NTN1: variants seen among roughly 807,000 people sequenced by gnomAD.
NTN1 encodes netrin 1.
A neutral mutation model predicts 54.2 loss-of-function variants in NTN1; 11 were observed. The observed-to-expected ratio is 0.20, with a 90% confidence interval of 0.13 to 0.34. NTN1 has a LOEUF of 0.34. Ranked by LOEUF, NTN1 falls within the 10% of genes least tolerant of loss-of-function variation. NTN1 has a pLI of 1.00. For missense variants in NTN1, 740 were observed against 893.1 expected (o/e 0.83, Z 2.18); for synonymous variants, 371 against 382.0 (o/e 0.97, Z 0.33).
At chr17:9,095,703 C>T (rs1248418303) in intron 2 of NTN1, among the ~76,000 whole-genome samples, 3 of 152,186 alleles carry the variant, frequency 2.0e-5, no homozygotes, top group African/African-American at 7.2e-5. Context: ...CTGATTTGAT[C>T]AACTTAAAAA....
intron 2 of NTN1, among the ~76,000 whole-genome samples, chr17:9,120,571 T>C (rs1040751711): frequency 2.0e-5 from 3 of 152,188 alleles, no homozygotes; most frequent in African/African-American, 7.2e-5. Flanking sequence ...TTCCCCCAAG[T>C]CCCTATGGTG....
At chr17:9,013,526 T>G in the NTN1 span, among the ~76,000 whole-genome samples, 3 of 152,206 alleles carry the variant, frequency 2.0e-5, no homozygotes, top group South Asian at 6.2e-4. Flanking sequence ...AGTAATATTT[T>G]TCTATCATCT....
intron 2 of NTN1, among the ~76,000 whole-genome samples, chr17:9,147,017 C>G (rs1323274130): frequency 6.6e-6 from 1 of 152,158 alleles, no homozygotes; most frequent in Non-Finnish European, 1.5e-5. Context: ...AAGGCCTGTT[C>G]AGAGGATGTT....
chr17:9,153,223 G>C (rs4791801), intron 2 of NTN1, among the ~76,000 whole-genome samples: 78,677 of 151,746 alleles, frequency 0.52, 20,710 homozygotes, highest in African/African-American at 0.59. Context: ...TAGGTGGGCA[G>C]ATCACCTAAG....
rs376865375 is a variant in NTN1, at chr17:9,239,342, G to A, written c.1487-298G>A. Among the ~76,000 whole-genome samples, 22 of 152,310 alleles carry A rather than the reference G, an allele frequency of 1.4e-4. No individual in the cohort carries two copies. Among genetic ancestry groups the A allele is most frequent in the Non-Finnish European group, 2.5e-4 (17 of 68,024 alleles). ...ACAGCTTGCCCAGAGTGCTGGGGGC[G>A]TGGTCAGCACCTGTAGGCTTCCTGG... On this transcript the variant is annotated intron_variant, in intron 6 of 6. Coordinates refer to ENST00000173229, the MANE Select transcript of NTN1 (RefSeq NM_004822.3). The surrounding 1 kb of genome is among the most constrained non-coding windows in gnomAD (Gnocchi z 5.2).
intron 2 of NTN1, among the ~76,000 whole-genome samples, chr17:9,087,765 C>T (rs922611366): frequency 1.3e-4 from 20 of 152,238 alleles, no homozygotes; most frequent in Non-Finnish European, 2.5e-4. Context: ...GGGCCTGTGC[C>T]GATTTGCCCA....
intron 2 of NTN1, among the ~76,000 whole-genome samples, chr17:9,039,757 G>C (rs1431474228): frequency 6.6e-6 from 1 of 152,062 alleles, no homozygotes; most frequent in Non-Finnish European, 1.5e-5. Context: ...GTGTGGTCTG[G>C]TTTCTTTCAC....
At position 9,212,386 on chromosome 17, in the gene NTN1, C is replaced by T. The variant is rs775255893; in HGVS notation, c.1412-8782C>T. The stretch of plus-strand genomic sequence containing the variant: ...CCCTTATGAAACCCACGGATGCCTG[C>T]GGCACCTTGAAAACCGAACACATGG... On this transcript the variant is annotated intron_variant, in intron 5 of 6. Transcript: ENST00000173229. The surrounding 1 kb of genome is among the most constrained non-coding windows in gnomAD (Gnocchi z 5.5). Among the ~76,000 whole-genome samples the T allele has an allele frequency of 6.6e-6, 1 of 152,192 alleles. No individual in the cohort carries two copies. The highest frequency in any genetic ancestry group is 1.5e-5 in the Non-Finnish European group (1 of 68,034).
chr17:9,146,164 C>G (rs2092312756), intron 2 of NTN1, among the ~76,000 whole-genome samples: 2 of 152,150 alleles, frequency 1.3e-5, no homozygotes, highest in African/African-American at 2.4e-5. Context: ...TGGACAGAGA[C>G]AGGAGGCAAA....
In NTN1 at chr17:9,192,338, C is replaced by T. The variant is rs149862533; in HGVS notation, c.1411+9369C>T. ...CCATATAATGATGTGGGGAGAATAT[C>T]TAAATGGAAAGATAAAATATAGTGC... On this transcript the variant is annotated intron_variant, in intron 5 of 6. Transcript: ENST00000173229. Among the ~76,000 whole-genome samples the T allele has an allele frequency of 6.7e-4, 102 of 152,256 alleles. 1 individual carries two copies. Among genetic ancestry groups the T allele is most frequent in the African/African-American group, 2.4e-3 (101 of 41,542 alleles).
At chr17:9,111,947 A>G (rs566594172) in intron 2 of NTN1, among the ~76,000 whole-genome samples, 4 of 152,320 alleles carry the variant, frequency 2.6e-5, no homozygotes, top group Non-Finnish European at 2.9e-5. Flanking sequence ...ATGTTGTTCA[A>G]TGGTTAACTG....
intron 2 of NTN1, among the ~76,000 whole-genome samples, chr17:9,114,547 G>T (rs2092204267): frequency 6.6e-6 from 1 of 151,818 alleles, no homozygotes; most frequent in African/African-American, 2.4e-5. Flanking sequence ...GAGGTCAGGA[G>T]TTCGAGACCA....
rs150876618 is a variant in NTN1 at position 9,202,524 on chromosome 17, A to G, written c.1412-18644A>G. On this transcript the variant is annotated intron_variant, in intron 5 of 6. Coordinates refer to ENST00000173229, the MANE Select transcript of NTN1 (RefSeq NM_004822.3). Reference sequence around the variant, plus strand: ...AGCAAACCCGATACCTTTATTCTCCATGTGAGAAGGTAGCAGAATTTGGTC... The same window carrying G: ...AGCAAACCCGATACCTTTATTCTCCGTGTGAGAAGGTAGCAGAATTTGGTC... Among the ~76,000 whole-genome samples, 1,435 of 152,310 alleles carry G rather than the reference A, an allele frequency of 9.4e-3. 13 individuals carry two copies. The highest frequency in any genetic ancestry group is 0.014 in the Non-Finnish European group (953 of 68,026).
intron 2 of NTN1, among the ~76,000 whole-genome samples, chr17:9,112,374 A>C (rs1412632277): frequency 6.6e-6 from 1 of 152,122 alleles, no homozygotes; most frequent in Non-Finnish European, 1.5e-5. Flanking sequence ...GGGCCCTTTC[A>C]TGGTCATTCA....
At chr17:9,169,670 G>A (rs1292100411) in intron 3 of NTN1, among the ~76,000 whole-genome samples, 1 of 152,214 alleles carries the variant, frequency 6.6e-6, no homozygotes, top group Non-Finnish European at 1.5e-5. Context: ...TTTGAGACCA[G>A]CCTGGGCAAC....
chr17:9,070,338 A>T (rs1048147718), intron 2 of NTN1, among the ~76,000 whole-genome samples: 3 of 152,190 alleles, frequency 2.0e-5, no homozygotes, highest in African/African-American at 4.8e-5. Flanking sequence ...TGGTTAGGAC[A>T]ACTCAGAAAA....
chr17:9,171,421 T>G lies in NTN1; in HGVS notation c.1208-8386T>G, dbSNP rs567709724. On this transcript the variant is annotated intron_variant, in intron 3 of 6. Coordinates refer to ENST00000173229, the MANE Select transcript of NTN1 (RefSeq NM_004822.3). Reference sequence around the variant, plus strand: ...ATTGGTAACAAGATTGTTTGTTCATTTGATTCACCACATGTTTGTGTAACG... The same window carrying G: ...ATTGGTAACAAGATTGTTTGTTCATGTGATTCACCACATGTTTGTGTAACG... 8 of 152,360 alleles carry G rather than the reference T, an allele frequency of 5.3e-5. 1 individual carries two copies. The South Asian group carries it at 1.7e-3, about 32-fold the overall frequency. 9.4% of individuals were successfully genotyped at this position (152,360 alleles called of 1,614,324 possible). A position where few individuals can be genotyped will look rare whatever the true frequency, so the allele number is the denominator to read the frequency against.
At chr17:9,071,107 C>G (rs1388787680) in intron 2 of NTN1, among the ~76,000 whole-genome samples, 1 of 152,202 alleles carries the variant, frequency 6.6e-6, no homozygotes, top group Admixed American at 6.5e-5. Flanking sequence ...TTGGAACTTT[C>G]CAGATTGAGA....
At chr17:9,115,861 G>A (rs933335630) in intron 2 of NTN1, among the ~76,000 whole-genome samples, 11 of 152,262 alleles carry the variant, frequency 7.2e-5, no homozygotes, top group African/African-American at 1.7e-4. Context: ...TGTACTCGCC[G>A]TCTCCGAGGC....
Sources: allele counts gnomAD v4.1 joint callset (sites outside exome capture counted in the v4.1 genomes callset), GRCh38; gene constraint gnomAD v4.1.1; non-coding constraint Gnocchi (gnomAD v3.1); transcripts MANE v1.5; gene names NCBI Gene and HGNC (gene_info 2026-07-23, HGNC 2026-07-21).